Variants in ALK observed in about 807,000 individuals in gnomAD.
The protein encoded by ALK is ALK tyrosine kinase receptor.
ALK carries 74 observed loss-of-function variants against 163.1 expected under a neutral mutation model. The ratio of observed to expected loss-of-function variants is 0.45; its 90% CI spans 0.38 to 0.55. The LOEUF is 0.55. Among genes scored for constraint, ALK ranks in the 20% least tolerant of loss-of-function variants. ALK has a pLI of 0.00. For synonymous variants in ALK, 960 were observed against 843.2 expected (o/e 1.14, Z -2.40); for missense variants, 2,063 against 2,105.3 (o/e 0.98, Z 0.39).
At chr2:29,580,898 T>G (rs1355193382) in intron 3 of ALK, among the ~76,000 whole-genome samples, 1 of 152,206 alleles carries the variant, frequency 6.6e-6, no homozygotes, top group Non-Finnish European at 1.5e-5. Context: ...TGTTGTAGTT[T>G]CCTTATGTCT....
chr2:29,542,702 C>G (rs1673445486), intron 3 of ALK, among the ~76,000 whole-genome samples: 1 of 152,084 alleles, frequency 6.6e-6, no homozygotes, highest in Admixed American at 6.6e-5. Context: ...TGGGATCTTT[C>G]TTTAACTTTA....
intron 5 of ALK, among the ~76,000 whole-genome samples, chr2:29,363,637 A>T (rs955820694): frequency 1.3e-5 from 2 of 152,214 alleles, no homozygotes; most frequent in African/African-American, 4.8e-5. Flanking sequence ...TTCCTGGGGG[A>T]ATAGTACCTT....
intron 5 of ALK, among the ~76,000 whole-genome samples, chr2:29,330,633 G>C (rs188891550): frequency 3.9e-5 from 6 of 152,320 alleles, no homozygotes; most frequent in Non-Finnish European, 8.8e-5. Flanking sequence ...TGTTACCTAT[G>C]TGGTAAAAGA....
At chr2:29,503,234 G>A (rs1370584274) in intron 4 of ALK, among the ~76,000 whole-genome samples, 2 of 152,324 alleles carry the variant, frequency 1.3e-5, no homozygotes, top group Non-Finnish European at 2.9e-5. Context: ...CCATTTTACA[G>A]TTGAAGAAAC....
At chr2:29,324,773 A>G (rs1197431521) in intron 6 of ALK, among the ~76,000 whole-genome samples, 1 of 152,172 alleles carries the variant, frequency 6.6e-6, no homozygotes, top group Non-Finnish European at 1.5e-5. Flanking sequence ...GGGATGTCTC[A>G]CTTGGATTTG....
intron 27 of ALK, among the ~76,000 whole-genome samples, 160 bp downstream of exon 27, chr2:29,197,382 C>T (rs1461121648): frequency 6.6e-6 from 1 of 152,190 alleles, no homozygotes; most frequent in Non-Finnish European, 1.5e-5. Context: ...GGAGACGCAT[C>T]CATCTCACTG....
chr2:29,448,005 G>A (rs1670729130), intron 4 of ALK, among the ~76,000 whole-genome samples: 1 of 152,186 alleles, frequency 6.6e-6, no homozygotes, highest in African/African-American at 2.4e-5. Flanking sequence ...ACAAAGGACA[G>A]TAACATTCTT....
chr2:29,671,552 G>A (rs1401034691), intron 3 of ALK, among the ~76,000 whole-genome samples: 2 of 152,220 alleles, frequency 1.3e-5, no homozygotes, highest in Admixed American at 6.6e-5. Context: ...TAAGAAGGTG[G>A]AGAAGCTGGT....
Position 29,320,760 on chromosome 2 carries a change from C to G in ALK, c.1537G>C (p.Asp513His). 6.2e-7 allele frequency: 1 copy of G among 1,613,760 alleles called. No individual in the cohort carries two copies. Among genetic ancestry groups the G allele is most frequent in the African/African-American group, 1.3e-5 (1 of 75,016 alleles). Residue 513 changes from aspartate to histidine, a missense_variant, in exon 7 of 29, where the codon GAC becomes CAC. Asp to His is a moderately conservative substitution (Grantham distance 81, BLOSUM62 -1). Around this residue, in one of 5 missense-constraint regions of ALK, gnomAD observed 987 missense variants for 939.5 expected, o/e 1.05. Coordinates refer to ENST00000389048, the MANE Select transcript of ALK (RefSeq NM_004304.5). ...AGGAGAGCAGTAGTACCTTGGTGGT[C>G]CTGGAACCGGGCATCCTTTAGGGTC... ...VRTLKDARFQDHQDHALLLST... is the reference protein window; with the variant it reads ...VRTLKDARFQHHQDHALLLST...
intron 1 of ALK, among the ~76,000 whole-genome samples, chr2:29,833,593 C>A (rs527350727): frequency 2.6e-5 from 4 of 152,208 alleles, no homozygotes; most frequent in Non-Finnish European, 5.9e-5. Context: ...TTACCAGGTG[C>A]CAGGCACTGG....
chr2:29,606,783 G>T (rs1675552475), intron 3 of ALK, among the ~76,000 whole-genome samples: 1 of 152,150 alleles, frequency 6.6e-6, no homozygotes, highest in Admixed American at 6.5e-5. Context: ...TAAGATATTT[G>T]TATCTGACTC....
intron 3 of ALK, among the ~76,000 whole-genome samples, chr2:29,549,807 A>G (rs1236943152): frequency 6.6e-6 from 1 of 152,208 alleles, no homozygotes; most frequent in Non-Finnish European, 1.5e-5. Context: ...TATTGAGTAC[A>G]AGTCAAAATG....
intron 13 of ALK, among the ~76,000 whole-genome samples, chr2:29,237,544 T>C (rs1376353742): frequency 6.6e-6 from 1 of 152,116 alleles, no homozygotes; most frequent in Non-Finnish European, 1.5e-5. Context: ...TATTTCCCCC[T>C]CCCTCTCCTC....
intron 4 of ALK, among the ~76,000 whole-genome samples, chr2:29,456,916 G>C (rs755830726): frequency 5.9e-5 from 9 of 151,996 alleles, no homozygotes; most frequent in Non-Finnish European, 1.3e-4. Flanking sequence ...CTCAGTTAGG[G>C]GAGAATAACT....
chr2:29,723,494 C>A (rs561771706), intron 1 of ALK, among the ~76,000 whole-genome samples: 1 of 152,310 alleles, frequency 6.6e-6, no homozygotes, highest in Non-Finnish European at 1.5e-5. Flanking sequence ...TGTGTACCTC[C>A]TGCACTAGTC....
chr2:29,441,024 G>A (rs1670527777), intron 4 of ALK, among the ~76,000 whole-genome samples: 1 of 152,176 alleles, frequency 6.6e-6, no homozygotes, highest in South Asian at 2.1e-4. Context: ...ACTTGGACTT[G>A]GACTTCCCAT....
chr2:29,894,426 C>T (rs986024608), intron 1 of ALK, among the ~76,000 whole-genome samples: 2 of 152,066 alleles, frequency 1.3e-5, no homozygotes, highest in African/African-American at 4.8e-5. Flanking sequence ...CTATCCCCCA[C>T]GTGGCATTGC....
intron 1 of ALK, chr2:29,890,340 C>A (rs1018007718): frequency 5.9e-5 from 9 of 152,172 alleles, no homozygotes; most frequent in African/African-American, 1.9e-4. Context: ...CTGAATCCAC[C>A]AATGCCTTTG....
intron 1 of ALK, among the ~76,000 whole-genome samples, chr2:29,781,691 G>A (rs890275441): frequency 1.3e-5 from 2 of 152,216 alleles, no homozygotes; most frequent in Non-Finnish European, 2.9e-5. Context: ...CCATAAAGTA[G>A]TAGCTCATCA....
Sources: gnomAD v4.1 joint callset for allele counts (sites outside exome capture counted in the v4.1 genomes callset) on GRCh38, gnomAD v4.1.1 for gene constraint, gnomAD v4.1.1 regional missense constraint, MANE v1.5 for transcripts, NCBI Gene and HGNC (gene_info 2026-07-23, HGNC 2026-07-21) for gene names.